Variants in HMCN1 observed in about 807,000 individuals in gnomAD.
HMCN1 encodes hemicentin 1.
HMCN1 carries 321 observed loss-of-function variants against 625.9 expected under a neutral mutation model. The ratio of observed to expected loss-of-function variants is 0.51; its 90% CI spans 0.47 to 0.56. The LOEUF is 0.56. Ranked by LOEUF, HMCN1 falls within the 20% of genes least tolerant of loss-of-function variation. The pLI is 0.00. For missense variants in HMCN1, 6,588 were observed against 6,887.3 expected, an observed-to-expected ratio of 0.96 and a Z score of 1.54; for synonymous variants, 2,425 against 2,417.6, an observed-to-expected ratio of 1.00 and a Z score of -0.09.
intron 1 of HMCN1, among the ~76,000 whole-genome samples, chr1:185,750,510 T>C (rs1242673737): frequency 6.6e-6 from 1 of 152,172 alleles, no homozygotes; most frequent in African/African-American, 2.4e-5. Context: ...ACATACTGGC[T>C]AAGGATTGTT....
At chr1:185,993,124 A>AT in intron 22 of HMCN1, 58 bp from the exon 23 acceptor site, 1 of 1,527,126 alleles carries the variant, frequency 6.5e-7, no homozygotes, top group South Asian at 1.1e-5. Flanking sequence ...GTGTAGCTGC[A>AT]TAGGGGATAT....
In HMCN1 at chr1:185,922,361, G is replaced by C. The variant is rs746665734; in HGVS notation, c.901-18G>C. On this transcript the variant is annotated intron_variant, in intron 6 of 106. Transcript: ENST00000271588. ...ACTGGATCAACTGCTGACCAGGTTT[G>C]TCATTAAACATTTTCAGACCTCAAG... 1.2e-6 allele frequency: 2 copies of C among 1,612,872 alleles called. No homozygotes were observed. The highest frequency in any genetic ancestry group is 2.2e-5 in the South Asian group (2 of 91,046).
chr1:185,963,982 T>C, intron 13 of HMCN1, 87 bp downstream of exon 13: 1 of 1,027,874 alleles, frequency 9.7e-7, no homozygotes, highest in Non-Finnish European at 1.5e-6. Context: ...ATATTAATAT[T>C]AGTAATGCAT....
intron 93 of HMCN1, among the ~76,000 whole-genome samples, chr1:186,146,551 A>G (rs928271203): frequency 6.6e-6 from 1 of 152,220 alleles, no homozygotes; most frequent in Non-Finnish European, 1.5e-5. Flanking sequence ...GTGTCAAGAT[A>G]TCAGTTAGAA....
chr1:186,137,054 G>T, intron 87 of HMCN1, 117 bp downstream of exon 87: 1 of 1,228,806 alleles, frequency 8.1e-7, no homozygotes, highest in Non-Finnish European at 1.2e-6. Context: ...TTTAGATGAT[G>T]GGGAGAGGAC....
At position 186,088,114 on chromosome 1, in the gene HMCN1, TTTTGTTTGTTTG is replaced by T; in HGVS notation, c.9446-19_9446-8del. On this transcript the variant is annotated intron_variant, in intron 61 of 106. Transcript: ENST00000271588. Reference sequence around the variant, plus strand: ...GAGGACAAATGATTTTCTTCTGTTTTTTTGTTTGTTTGTTTGTTTGTTTTTTACAGTGCCACC... The same window carrying T: ...GAGGACAAATGATTTTCTTCTGTTTTTTTGTTTGTTTTTTACAGTGCCACC... 1 of 1,601,492 alleles carries T rather than the reference TTTTGTTTGTTTG, an allele frequency of 6.2e-7. No individual in the cohort carries two copies. Among genetic ancestry groups the T allele is most frequent in the South Asian group, 1.1e-5 (1 of 90,088 alleles).
intron 11 of HMCN1, among the ~76,000 whole-genome samples, chr1:185,953,735 T>C (rs928476180): frequency 5.3e-5 from 8 of 151,332 alleles, no homozygotes; most frequent in African/African-American, 2.0e-4. Flanking sequence ...CCAAGGGAGG[T>C]CCCCCGATCC....
chr1:185,875,838 T>C (rs1663892479), intron 4 of HMCN1, among the ~76,000 whole-genome samples: 1 of 152,144 alleles, frequency 6.6e-6, no homozygotes, highest in African/African-American at 2.4e-5. Context: ...CATCTAGTTA[T>C]CTACTTAAAT....
At chr1:185,922,860 C>T (rs903773677) in intron 7 of HMCN1, among the ~76,000 whole-genome samples, 19 of 151,982 alleles carry the variant, frequency 1.3e-4, no homozygotes, top group African/African-American at 4.6e-4. Context: ...TTTTCCTTAC[C>T]GAAATCTATA....
chr1:186,119,613 C>G, intron 78 of HMCN1, 132 bp from the exon 79 acceptor site: 1 of 981,892 alleles, frequency 1.0e-6, no homozygotes, highest in Non-Finnish European at 1.6e-6. Flanking sequence ...CCAACATTCA[C>G]TTTTCTCTTG....
In HMCN1 at chr1:186,023,174, T is replaced by A. The variant is rs752966532; in HGVS notation, c.5749+21T>A. 1.2e-5 allele frequency: 20 copies of A among 1,605,680 alleles called. 1 individual carries two copies. The South Asian group carries it at 2.2e-4, about 18-fold the overall frequency. On this transcript the variant is annotated intron_variant, in intron 36 of 106. Transcript: ENST00000271588. The stretch of plus-strand genomic sequence containing the variant: ...TCATGGTAATGTAATTTCTACACCT[T>A]AACAAAAGAATATTTGTATCACTTT...
chr1:185,806,360 T>A (rs1368116820), intron 1 of HMCN1, among the ~76,000 whole-genome samples: 1 of 151,982 alleles, frequency 6.6e-6, no homozygotes, highest in Non-Finnish European at 1.5e-5. Context: ...ACTTTGTATG[T>A]TTATGAGCCC....
At chr1:186,111,607 C>G (rs139054024) in intron 71 of HMCN1, among the ~76,000 whole-genome samples, 225 of 152,286 alleles carry the variant, frequency 1.5e-3, no homozygotes, top group African/African-American at 5.1e-3. Context: ...GATAGCACCA[C>G]TACTGCGGCA....
rs765146245 is a variant in HMCN1, at chr1:186,076,472, G to C, written c.8335G>C (p.Asp2779His). ...ACTCTGGGAAATAGGAAACATGCTAGATACTGGCAGGAATGGTGAAGCCAA... is the reference window on the plus strand; with the variant it reads ...ACTCTGGGAAATAGGAAACATGCTACATACTGGCAGGAATGGTGAAGCCAA... Reference protein sequence around the residue: ...QKLWEIGNMLDTGRNGEAKDV... With the variant: ...QKLWEIGNMLHTGRNGEAKDV... Residue 2779 changes from aspartate (D) to histidine (H), a missense_variant, in exon 54 of 107, where the codon GAT (aspartate) becomes CAT (histidine). Around this residue, in one of 3 missense-constraint regions of HMCN1, gnomAD observed 4,628 missense variants for 4,853.1 expected, o/e 0.95. Transcript: ENST00000271588. 1.2e-6 allele frequency: 2 copies of C among 1,613,572 alleles called. No homozygotes were observed. Among genetic ancestry groups the C allele is most frequent in the East Asian group, 4.5e-5 (2 of 44,822 alleles).
chr1:186,040,509 A>G (rs1656134927), intron 39 of HMCN1, among the ~76,000 whole-genome samples: 1 of 152,142 alleles, frequency 6.6e-6, no homozygotes, highest in Non-Finnish European at 1.5e-5. Context: ...TGCAAATCTA[A>G]TGCTTTCAAA....
intron 2 of HMCN1, among the ~76,000 whole-genome samples, chr1:185,861,425 G>T (rs971299525): frequency 1.3e-5 from 2 of 152,162 alleles, no homozygotes; most frequent in East Asian, 3.8e-4. Flanking sequence ...TTCAACAAAT[G>T]CTTGTAGAAT....
intron 89 of HMCN1, among the ~76,000 whole-genome samples, chr1:186,140,157 C>A (rs866761840): frequency 3.3e-5 from 5 of 152,064 alleles, no homozygotes; most frequent in South Asian, 2.1e-4. Context: ...ATTTCATTAT[C>A]TAATCTGGTT....
intron 2 of HMCN1, among the ~76,000 whole-genome samples, chr1:185,863,042 A>G (rs1662969321): frequency 6.6e-6 from 1 of 152,324 alleles, no homozygotes; most frequent in South Asian, 2.1e-4. Flanking sequence ...GATTAGATCT[A>G]TGGTGTTCAC....
At chr1:185,877,073 T>C (rs998104518) in intron 4 of HMCN1, among the ~76,000 whole-genome samples, 6 of 152,010 alleles carry the variant, frequency 3.9e-5, no homozygotes, top group Admixed American at 6.6e-5. Context: ...CCATCTTGAG[T>C]TGATTTTTGT....
Sources: gnomAD v4.1 joint callset for allele counts (sites outside exome capture counted in the v4.1 genomes callset) on GRCh38, gnomAD v4.1.1 for gene constraint, gnomAD v4.1.1 regional missense constraint, MANE v1.5 for transcripts, NCBI Gene and HGNC (gene_info 2026-07-23, HGNC 2026-07-21) for gene names.